NFATC2: variants seen among roughly 807,000 people sequenced by gnomAD.
NFATC2 encodes nuclear factor of activated T cells 2, also known as nuclear factor of activated T-cells, cytoplasmic 2.
Under a neutral mutation model 87.3 loss-of-function variants are expected in NFATC2, and 22 were observed. That is an observed-to-expected ratio of 0.25 (90% CI 0.18 to 0.36). The LOEUF (loss-of-function observed/expected upper bound fraction) is 0.36. NFATC2 is among the 10% of genes least tolerant of loss of function. The pLI is 1.00. For synonymous variants in NFATC2, 565 were observed against 542.2 expected, an observed-to-expected ratio of 1.04 and a Z score of -0.58; for missense variants, 1,149 against 1,259.1, an observed-to-expected ratio of 0.91 and a Z score of 1.32.
intron 1 of NFATC2, among the ~76,000 whole-genome samples, chr20:51,540,352 G>A (rs1365859174): frequency 6.6e-6 from 1 of 152,182 alleles, no homozygotes; most frequent in African/African-American, 2.4e-5. Flanking sequence ...TGAGAAGGGA[G>A]CTTTATCTTT....
chr20:51,414,368 C>T (rs965538651), intron 9 of NFATC2, among the ~76,000 whole-genome samples: 1 of 152,154 alleles, frequency 6.6e-6, no homozygotes, highest in Admixed American at 6.5e-5. Context: ...ATTGTCAGAG[C>T]CTTGGAACGC....
chr20:51,562,452 C>A lies in NFATC2; in HGVS notation c.70+108G>T, dbSNP rs2077040969. 9.5e-7 allele frequency: 1 copy of A among 1,056,536 alleles called. No individual in the cohort carries two copies. The highest frequency in any genetic ancestry group is 1.4e-6 in the Non-Finnish European group (1 of 721,912). The allele number at this position is 1,056,536 out of a possible 1,614,324, so 65.4% of individuals were successfully genotyped here. On this transcript the variant is annotated intron_variant, in intron 1 of 10. Transcript: ENST00000414705. This position sits in a 1 kb window ranked among gnomAD's most constrained non-coding sequence, Gnocchi z 5.8. ...AGGGCGAGCGGGGTCCCCAGGCCTC[C>A]CGCACCGACCTCTGCCGGGAGCTGA...
At chr20:51,401,162 G>A (rs1158189585) in intron 9 of NFATC2, among the ~76,000 whole-genome samples, 1 of 152,122 alleles carries the variant, frequency 6.6e-6, no homozygotes, top group East Asian at 1.9e-4. Context: ...TTGAGGTCAG[G>A]AGTTTAAGAC....
chr20:51,433,759 A>ATGTGTGTGTG (rs59775939), intron 8 of NFATC2, among the ~76,000 whole-genome samples: 1 of 145,994 alleles, frequency 6.8e-6, no homozygotes, highest in Non-Finnish European at 1.5e-5. Flanking sequence ...TCATGCATGC[A>ATGTGTGTGTG]TGTGTGTGTG....
rs1245948317 is a variant in NFATC2 at position 51,524,081 on chromosome 20, G to A, written c.160C>T (p.Pro54Ser). 3 of 1,474,198 alleles carry A rather than the reference G, an allele frequency of 2.0e-6. No individual in the cohort carries two copies. Among genetic ancestry groups the A allele is most frequent in the African/African-American group, 2.9e-5 (2 of 68,660 alleles). The allele number at this position is 1,474,198 out of a possible 1,614,324, so 91.3% of individuals were successfully genotyped here. ...TCGGGGTATGCGGGTCCGGAGGGTG[G>A]GCTGGCGACCTTATGTGCATTCGGC... Reference protein sequence around the residue: ...EEPNAHKVASPPSGPAYPDDV... With the variant: ...EEPNAHKVASSPSGPAYPDDV... Residue 54 changes from proline (P) to serine (S), a missense_variant, in exon 2 of 11, where the codon CCA (proline) becomes TCA (serine). Coordinates refer to ENST00000371564, the MANE Select transcript of NFATC2 (RefSeq NM_012340.5). This position sits in a 1 kb window ranked among gnomAD's most constrained non-coding sequence, Gnocchi z 4.0.
chr20:51,474,716 G>C (rs1448497490), intron 4 of NFATC2, among the ~76,000 whole-genome samples: 1 of 152,154 alleles, frequency 6.6e-6, no homozygotes, highest in Non-Finnish European at 1.5e-5. Context: ...CAGTATTTCT[G>C]TAAGTTTGAA....
intron 5 of NFATC2, among the ~76,000 whole-genome samples, chr20:51,457,384 GA>G (rs1171542713): frequency 6.6e-6 from 1 of 152,216 alleles, no homozygotes; most frequent in African/African-American, 2.4e-5. Context: ...CTGGGGACTG[GA>G]AGGGGCTGCA....
rs1259713453 is a variant in NFATC2 at position 51,474,144 on chromosome 20, C to T, written c.1544G>A (p.Cys515Tyr). The T allele has an allele frequency of 1.9e-6, 3 of 1,614,174 alleles. No individual in the cohort carries two copies. The highest frequency in any genetic ancestry group is 1.3e-5 in the African/African-American group (1 of 75,050). Residue 515 changes from cysteine (C) to tyrosine (Y), a missense_variant, in exon 5 of 11, where the codon TGT becomes TAT. Physicochemically the swap from Cys to Tyr is radical, Grantham distance 194. Around this residue, in one of 3 missense-constraint regions of NFATC2, gnomAD observed 581 missense variants for 649.7 expected, o/e 0.89. Coordinates refer to ENST00000371564, the MANE Select transcript of NFATC2 (RefSeq NM_012340.5). The stretch of plus-strand genomic sequence containing the variant: ...GTTTCTAAGCTTCAAGATCCCCGCA[C>T]AGTCGATGCTGCCAGGATGTTAAGA... ...PKNNMRATID[C>Y]AGILKLRNAD...
In NFATC2 at chr20:51,432,541, C is replaced by T. The variant is rs1568969021; in HGVS notation, c.2248G>A (p.Val750Ile). The change falls in exon 9 of 11, where the codon GTA becomes ATA. Residue 750 changes from valine to isoleucine, a missense_variant. Val to Ile is a conservative substitution (Grantham distance 29). Transcript: ENST00000371564. This position sits in a 1 kb window ranked among gnomAD's most constrained non-coding sequence, Gnocchi z 4.6. Reference protein sequence around the residue: ...ARYQQQNPAAVLYQRSKSLSP... With the variant: ...ARYQQQNPAAILYQRSKSLSP... ...AGGCTCTTGCTCCGCTGGTAGAGTA[C>T]GGCCGCTGGGTTCTGTTGCTGGTAG... The T allele has an allele frequency of 4.5e-6, 7 of 1,549,550 alleles. No individual in the cohort carries two copies. Among genetic ancestry groups the T allele is most frequent in the Admixed American group, 2.0e-5 (1 of 50,228 alleles).
chr20:51,561,130 A>C lies in NFATC2; in HGVS notation c.70+1430T>G, dbSNP rs946374127. Among the ~76,000 whole-genome samples, 3 of 138,828 alleles carry C rather than the reference A, an allele frequency of 2.2e-5. No homozygotes were observed. In the South Asian group the frequency reaches 6.5e-4, roughly 30 times the overall value. 91.1% of individuals were successfully genotyped at this position (138,828 alleles called of 152,430 possible). A position where few individuals can be genotyped will look rare whatever the true frequency, so the allele number is the denominator to read the frequency against. On this transcript the variant is annotated intron_variant, in intron 1 of 10. Coordinates refer to the NFATC2 transcript ENST00000414705. ...TTTTACAGATGATACGATATCAGTA[A>C]ATTTTTTTTGCCATTATGTCATAGG...
chr20:51,411,441 T>C (rs1223618345), intron 9 of NFATC2, among the ~76,000 whole-genome samples: 1 of 149,306 alleles, frequency 6.7e-6, no homozygotes, highest in Non-Finnish European at 1.5e-5. Flanking sequence ...CACACACCCA[T>C]ACACACACAC....
intron 1 of NFATC2, among the ~76,000 whole-genome samples, chr20:51,538,882 C>A (rs2076762637): frequency 6.6e-6 from 1 of 152,166 alleles, no homozygotes; most frequent in Non-Finnish European, 1.5e-5. Context: ...TGTTGGTAAA[C>A]AAGGTTTTCA....
intron 3 of NFATC2, among the ~76,000 whole-genome samples, chr20:51,498,595 T>C (rs1323750095): frequency 3.3e-5 from 5 of 152,006 alleles, no homozygotes; most frequent in Admixed American, 1.3e-4. Context: ...GCCAGATCAC[T>C]GGCCAACATG....
chr20:51,440,208 C>G (rs1166137226), intron 6 of NFATC2, among the ~76,000 whole-genome samples: 1 of 125,534 alleles, frequency 8.0e-6, no homozygotes, highest in African/African-American at 3.5e-5. Flanking sequence ...TGCACTCCAG[C>G]CTGGGCAACA....
At chr20:51,520,881 A>G (rs1235860537) in intron 2 of NFATC2, among the ~76,000 whole-genome samples, 1 of 151,820 alleles carries the variant, frequency 6.6e-6, no homozygotes, top group Non-Finnish European at 1.5e-5. Flanking sequence ...GCTGGTCTCA[A>G]ACTCCGACCT....
chr20:51,514,007 C>A (rs553655073), intron 3 of NFATC2, among the ~76,000 whole-genome samples: 2 of 152,368 alleles, frequency 1.3e-5, no homozygotes, highest in Admixed American at 6.5e-5. Flanking sequence ...TAACCTTGAA[C>A]AAGTCCTTGA....
intron 3 of NFATC2, among the ~76,000 whole-genome samples, chr20:51,490,473 C>T (rs1328297181): frequency 2.0e-5 from 3 of 152,210 alleles, no homozygotes; most frequent in African/African-American, 7.2e-5. Context: ...AGTCATTTTC[C>T]AGCCTTATTC....
chr20:51,436,627 A>C (rs1403652941), intron 6 of NFATC2, among the ~76,000 whole-genome samples: 1 of 152,156 alleles, frequency 6.6e-6, no homozygotes, highest in African/African-American at 2.4e-5. Flanking sequence ...AGGCATGAGA[A>C]TTGCCTGAAC....
chr20:51,414,263 T>A (rs1013841762), intron 9 of NFATC2, among the ~76,000 whole-genome samples: 15 of 151,724 alleles, frequency 9.9e-5, no homozygotes, highest in African/African-American at 2.4e-4. Context: ...GGAGAAAAAA[T>A]AAATAAATAA....
Sources: allele counts gnomAD v4.1 joint callset (sites outside exome capture counted in the v4.1 genomes callset), GRCh38; gene constraint gnomAD v4.1.1; regional missense constraint gnomAD v4.1.1; non-coding constraint Gnocchi (gnomAD v3.1); transcripts MANE v1.5; gene names NCBI Gene and HGNC (gene_info 2026-07-23, HGNC 2026-07-21).